Variants in NFU1 observed in about 807,000 individuals in gnomAD.
NFU1 encodes the protein NFU1 iron-sulfur cluster scaffold homolog, mitochondrial.
In NFU1, 30 loss-of-function variants were observed where a neutral mutation model predicts 32.2. The observed-to-expected ratio is 0.93, with a 90% confidence interval of 0.70 to 1.26. The LOEUF (loss-of-function observed/expected upper bound fraction) is 1.26, where lower values mean the gene tolerates loss of function less well. Among genes scored for constraint, NFU1 ranks in the 50% most tolerant of loss-of-function variants. NFU1 has a pLI of 0.00. For missense variants in NFU1, 306 were observed against 306.6 expected (o/e 1.00, Z 0.02); for synonymous variants, 112 against 104.6 (o/e 1.07, Z -0.43).
intron 4 of NFU1, among the ~76,000 whole-genome samples, chr2:69,416,670 G>A (rs931096313): frequency 3.3e-5 from 5 of 152,078 alleles, no homozygotes; most frequent in South Asian, 2.1e-4. Context: ...AGGCCGAGGC[G>A]GGTGGATCAC....
chr2:69,437,499 G>A (rs1456286349), upstream of NFU1: 6 of 1,541,350 alleles, frequency 3.9e-6, no homozygotes, highest in Non-Finnish European at 5.3e-6. Context: ...CCGGTAGCTG[G>A]GCGGGCACTG....
intron 7 of NFU1, among the ~76,000 whole-genome samples, chr2:69,398,685 G>A (rs1458270660): frequency 1.3e-5 from 2 of 152,138 alleles, no homozygotes; most frequent in East Asian, 3.8e-4. Context: ...GAGTCTAGCG[G>A]GTAACAATGC....
chr2:69,436,164 A>G (rs1170056954), intron 1 of NFU1, among the ~76,000 whole-genome samples: 1 of 152,218 alleles, frequency 6.6e-6, no homozygotes. Context: ...TCTAGCTGCT[A>G]GCACAATGGC....
chr2:69,439,369 G>A (rs1387708267), upstream of NFU1, among the ~76,000 whole-genome samples: 3 of 152,138 alleles, frequency 2.0e-5, no homozygotes, highest in African/African-American at 4.8e-5. Flanking sequence ...CCTTCAGATG[G>A]TCAGATGTGT....
chr2:69,405,601 T>C (rs1672669442), intron 6 of NFU1, among the ~76,000 whole-genome samples: 1 of 152,244 alleles, frequency 6.6e-6, no homozygotes. Flanking sequence ...AGCATGACTA[T>C]TGGTCTGCTA....
intron 3 of NFU1, among the ~76,000 whole-genome samples, chr2:69,421,292 G>GA (rs1282934947): frequency 6.6e-6 from 1 of 150,522 alleles, no homozygotes; most frequent in South Asian, 2.1e-4. Flanking sequence ...ATATGTTTAA[G>GA]AAAAAAAAAG....
chr2:69,424,165 T>C, intron 2 of NFU1, among the ~76,000 whole-genome samples: 1 of 81,280 alleles, frequency 1.2e-5, no homozygotes, highest in African/African-American at 6.0e-5. Context: ...AGTGAGACTC[T>C]GTCTCAAAAA....
At chr2:69,405,434 T>C (rs1672664674) in intron 6 of NFU1, among the ~76,000 whole-genome samples, 1 of 152,236 alleles carries the variant, frequency 6.6e-6, no homozygotes, top group African/African-American at 2.4e-5. Context: ...ACCCTAGCTA[T>C]GTAGCAAGGA....
At chr2:69,400,140 T>C (rs762093545) in intron 7 of NFU1, among the ~76,000 whole-genome samples, 13 of 152,132 alleles carry the variant, frequency 8.5e-5, no homozygotes, top group Non-Finnish European at 1.9e-4. Context: ...CCCAAAGTGC[T>C]GGGATTATAG....
intron 2 of NFU1, 73 bp from the exon 3 acceptor site, chr2:69,423,790 T>C: frequency 3.6e-6 from 4 of 1,111,214 alleles, no homozygotes; most frequent in Non-Finnish European, 2.7e-6. Context: ...GAAGTGCTCA[T>C]TTGCAGAGAA....
chr2:69,425,719 C>T (rs575019334), intron 2 of NFU1, among the ~76,000 whole-genome samples: 5 of 151,886 alleles, frequency 3.3e-5, no homozygotes, highest in South Asian at 4.2e-4. Context: ...CTCCTTGCCT[C>T]GAGTGATCCA....
chr2:69,402,237 A>G (rs1327895147), intron 6 of NFU1, among the ~76,000 whole-genome samples: 1 of 152,036 alleles, frequency 6.6e-6, no homozygotes, highest in East Asian at 1.9e-4. Flanking sequence ...CCAGTGTCTG[A>G]TTGTCTTTTT....
intron 5 of NFU1, among the ~76,000 whole-genome samples, chr2:69,411,354 T>C (rs1574123836): frequency 6.6e-6 from 1 of 152,130 alleles, no homozygotes; most frequent in Non-Finnish European, 1.5e-5. Context: ...TCATGTACAA[T>C]CACTCTTCCA....
At chr2:69,425,629 A>C (rs553278256) in intron 2 of NFU1, among the ~76,000 whole-genome samples, 95 of 152,138 alleles carry the variant, frequency 6.2e-4, no homozygotes, top group Middle Eastern at 3.4e-3. Flanking sequence ...TGGTGGGATT[A>C]CAGGTGTAAG....
chr2:69,400,336 T>TCC (rs1672479796), intron 7 of NFU1, 28 bp downstream of exon 7: 1 of 1,597,472 alleles, frequency 6.3e-7, no homozygotes, highest in Non-Finnish European at 8.6e-7. Context: ...ATGAAAAAAA[T>TCC]CTAGACTGTC....
upstream of NFU1, among the ~76,000 whole-genome samples, chr2:69,439,428 G>A (rs1673988352): frequency 6.6e-6 from 1 of 152,214 alleles, no homozygotes; most frequent in Non-Finnish European, 1.5e-5. Context: ...GACTTCAGGA[G>A]TGAAGCTGCA....
At chr2:69,439,448 G>C (rs114297252), upstream of NFU1, among the ~76,000 whole-genome samples, 14 of 152,322 alleles carry the variant, frequency 9.2e-5, no homozygotes, top group South Asian at 1.0e-3. Context: ...AGACCTTTGC[G>C]ATGGGTGTTA....
intron 2 of NFU1, 135 bp downstream of exon 2, chr2:69,431,767 C>A (rs1673645986): frequency 7.5e-6 from 5 of 666,484 alleles, no homozygotes; most frequent in South Asian, 1.7e-5. Flanking sequence ...AAAAATATAG[C>A]TTTTTTTCCT....
upstream of NFU1, chr2:69,437,579 T>C (rs1376402766): frequency 2.3e-6 from 2 of 886,508 alleles, no homozygotes; most frequent in South Asian, 1.4e-5. Context: ...GCGCCGAGGT[T>C]TGCAGGCTAC....
Sources: allele counts gnomAD v4.1 joint callset (sites outside exome capture counted in the v4.1 genomes callset), GRCh38; gene constraint gnomAD v4.1.1; transcripts MANE v1.5; gene names NCBI Gene and HGNC (gene_info 2026-07-23, HGNC 2026-07-21).